Variants in TCAIM observed in about 807,000 individuals in gnomAD.
The protein encoded by TCAIM is T cell activation inhibitor, mitochondrial.
Under a neutral mutation model 58.6 loss-of-function variants are expected in TCAIM, and 36 were observed. The ratio of observed to expected loss-of-function variants is 0.61; its 90% confidence interval spans 0.47 to 0.81. The LOEUF (loss-of-function observed/expected upper bound fraction) is 0.81, where lower values mean the gene tolerates loss of function less well. Among genes scored for constraint, TCAIM ranks in the 30% least tolerant of loss-of-function variants. TCAIM has a pLI of 0.00. For synonymous variants in TCAIM, 172 were observed against 193.6 expected (o/e 0.89, Z 0.93); for missense variants, 466 against 579.6 (o/e 0.80, Z 2.01).
intron 5 of TCAIM, among the ~76,000 whole-genome samples, chr3:44,371,501 C>A (rs951527621): frequency 2.0e-5 from 3 of 152,164 alleles, no homozygotes; most frequent in Non-Finnish European, 4.4e-5. Flanking sequence ...CAGCACTACA[C>A]TGAACCAAGA....
intron 3 of TCAIM, chr3:44,358,178 A>G (rs766027450): frequency 3.2e-6 from 5 of 1,554,438 alleles, no homozygotes; most frequent in African/African-American, 1.4e-5. Flanking sequence ...TGAGACCTTT[A>G]TTATCATGAT....
At chr3:44,371,836 A>G (rs1458753013) in intron 5 of TCAIM, among the ~76,000 whole-genome samples, 3 of 152,158 alleles carry the variant, frequency 2.0e-5, no homozygotes, top group Non-Finnish European at 4.4e-5. Context: ...CTGGAATGGT[A>G]TCTCTATCAA....
chr3:44,394,982 A>G (rs1252161533), intron 6 of TCAIM, among the ~76,000 whole-genome samples: 5 of 123,192 alleles, frequency 4.1e-5, no homozygotes, highest in African/African-American at 1.2e-4. Flanking sequence ...CATAAACTCT[A>G]GTTTTCAATT....
intron 1 of TCAIM, among the ~76,000 whole-genome samples, chr3:44,346,285 G>A (rs1003657304): frequency 6.6e-6 from 1 of 152,124 alleles, no homozygotes; most frequent in Non-Finnish European, 1.5e-5. Context: ...GTCCATTATC[G>A]GACTGTATAG....
At chr3:44,358,145 A>G (rs1349286085) in intron 3 of TCAIM, 2 of 1,513,366 alleles carry the variant, frequency 1.3e-6, no homozygotes, top group Non-Finnish European at 1.8e-6. Flanking sequence ...TTTGAAGTAC[A>G]GTTGAGGGTT....
At chr3:44,353,094 A>G (rs371282787) in intron 1 of TCAIM, among the ~76,000 whole-genome samples, 1 of 151,224 alleles carries the variant, frequency 6.6e-6, no homozygotes, top group Non-Finnish European at 1.5e-5. Flanking sequence ...TAATTTTTGT[A>G]TTTTTTAGTA....
At chr3:44,362,746 A>T (rs1559566333) in intron 4 of TCAIM, 1 of 231,116 alleles carries the variant, frequency 4.3e-6, no homozygotes, top group Non-Finnish European at 8.3e-6. Flanking sequence ...TGATCACTCT[A>T]AGTGACACAA....
intron 3 of TCAIM, 41 bp from the exon 4 acceptor site, chr3:44,361,324 G>T: frequency 6.6e-7 from 1 of 1,512,866 alleles, no homozygotes; most frequent in Admixed American, 2.1e-5. Flanking sequence ...ATATTTCCTT[G>T]TTCTATTTTG....
intron 10 of TCAIM, among the ~76,000 whole-genome samples, chr3:44,406,816 C>G (rs1256093620): frequency 6.6e-6 from 1 of 152,168 alleles, no homozygotes; most frequent in Non-Finnish European, 1.5e-5. Context: ...AACACTGTAT[C>G]CCTAAGCACT....
chr3:44,367,852 A>C (rs1022450869), intron 5 of TCAIM, 144 bp downstream of exon 5: 22 of 775,372 alleles, frequency 2.8e-5, no homozygotes, highest in Non-Finnish European at 4.3e-5. Context: ...AGGAAAAGTA[A>C]TACTATCAGT....
chr3:44,397,428 A>C (rs578221406), intron 8 of TCAIM, among the ~76,000 whole-genome samples: 1 of 152,290 alleles, frequency 6.6e-6, no homozygotes, highest in East Asian at 1.9e-4. Flanking sequence ...TCACTGTCTC[A>C]TTTTGAGATT....
At chr3:44,347,094 G>A (rs113943268) in intron 1 of TCAIM, among the ~76,000 whole-genome samples, 1,546 of 152,250 alleles carry the variant, frequency 0.01, 26 homozygotes, top group African/African-American at 0.036. Context: ...TGTAGAAGGG[G>A]TTGGGGTTTT....
chr3:44,350,965 C>T (rs1701075316), intron 1 of TCAIM, among the ~76,000 whole-genome samples: 1 of 152,168 alleles, frequency 6.6e-6, no homozygotes, highest in Non-Finnish European at 1.5e-5. Context: ...TCACAGGTAA[C>T]ACTGAACCTT....
intron 8 of TCAIM, 22 bp downstream of exon 8, chr3:44,396,856 A>C: frequency 6.2e-7 from 1 of 1,604,176 alleles, no homozygotes; most frequent in South Asian, 1.1e-5. Context: ...CCTTAAAATT[A>C]AAAACTCCTT....
rs1196356339 is a variant in TCAIM at position 44,405,204 on chromosome 3, C to T, written c.1251-2238C>T. Among the ~76,000 whole-genome samples the T allele has an allele frequency of 7.2e-5, 11 of 152,330 alleles. 2 individuals are homozygous for T. Among genetic ancestry groups the T allele is most frequent in the Admixed American group, 5.9e-4 (9 of 15,306 alleles). Reference sequence around the variant, plus strand: ...ACCTGCACCTGAGAATCAACCAGCTCTCCCTAGCAGGGGCATTCCTCACTT... The same window carrying T: ...ACCTGCACCTGAGAATCAACCAGCTTTCCCTAGCAGGGGCATTCCTCACTT... On this transcript the variant is annotated intron_variant, in intron 10 of 10. Coordinates refer to ENST00000342649, the MANE Select transcript of TCAIM (RefSeq NM_173826.4).
intron 10 of TCAIM, among the ~76,000 whole-genome samples, chr3:44,403,819 T>C (rs973186943): frequency 6.6e-6 from 1 of 152,150 alleles, no homozygotes; most frequent in South Asian, 2.1e-4. Flanking sequence ...TCTTCTCCTT[T>C]CCTTTCCTGC....
intron 1 of TCAIM, among the ~76,000 whole-genome samples, chr3:44,345,566 G>A (rs561176995): frequency 1.3e-5 from 2 of 152,030 alleles, no homozygotes; most frequent in African/African-American, 2.4e-5. Flanking sequence ...AGTCCTCCAC[G>A]ATTTTGGAGG....
At chr3:44,400,999 G>C (rs1575281350) in intron 9 of TCAIM, 1 of 665,324 alleles carries the variant, frequency 1.5e-6, no homozygotes, top group Admixed American at 3.2e-5. Context: ...GATAAGGAAG[G>C]TCAGAGGGCT....
At chr3:44,340,930 T>C (rs569678236) in intron 1 of TCAIM, 9 of 152,348 alleles carry the variant, frequency 5.9e-5, no homozygotes, top group Non-Finnish European at 1.0e-4. Context: ...GAGCCCATTC[T>C]TGAAGAGCTT....
Sources: gnomAD v4.1 joint callset for allele counts (sites outside exome capture counted in the v4.1 genomes callset) on GRCh38, gnomAD v4.1.1 for gene constraint, MANE v1.5 for transcripts, NCBI Gene and HGNC (gene_info 2026-07-23, HGNC 2026-07-21) for gene names.